Variants in DECR1 observed in about 807,000 individuals in gnomAD.
The protein encoded by DECR1 is 2,4-dienoyl-CoA reductase [(3E)-enoyl-CoA-producing], mitochondrial.
Under a neutral mutation model 38.8 loss-of-function variants are expected in DECR1, and 44 were observed. The ratio of observed to expected loss-of-function variants is 1.13; its 90% CI spans 0.89 to 1.46. DECR1 has a LOEUF of 1.46. Among genes scored for constraint, DECR1 ranks in the 40% most tolerant of loss-of-function variants. The pLI, the probability that DECR1 is intolerant of heterozygous loss-of-function variation, is 0.00. For synonymous variants in DECR1, 148 were observed against 135.2 expected (o/e 1.09, Z -0.66); for missense variants, 428 against 405.5 (o/e 1.06, Z -0.48).
Position 90,036,805 on chromosome 8 carries a change from A to G in DECR1, c.566-36A>G, listed in dbSNP as rs903328754. ...TTTCCTTATGTGTAGTGATACATCTATATTGCTAATCAACTGTATCCTTTT... is the reference window on the plus strand; with the variant it reads ...TTTCCTTATGTGTAGTGATACATCTGTATTGCTAATCAACTGTATCCTTTT... On this transcript the variant is annotated intron_variant, in intron 5 of 9. Coordinates refer to ENST00000220764, the MANE Select transcript of DECR1 (RefSeq NM_001359.2). 4 of 1,330,510 alleles carry G rather than the reference A, an allele frequency of 3.0e-6. No homozygotes were observed. The African/African-American group carries it at 5.8e-5, about 19-fold the overall frequency. 82.4% of individuals were successfully genotyped at this position (1,330,510 alleles called of 1,614,324 possible).
intron 1 of DECR1, among the ~76,000 whole-genome samples, chr8:90,002,334 T>G (rs1812637336): frequency 1.3e-5 from 2 of 152,134 alleles, no homozygotes; most frequent in Admixed American, 1.3e-4. Context: ...CCCAGCTGTT[T>G]ATAGACTCCC....
intron 8 of DECR1, among the ~76,000 whole-genome samples, chr8:90,049,134 C>G (rs1412263604): frequency 6.6e-6 from 1 of 152,212 alleles, no homozygotes; most frequent in Admixed American, 6.5e-5. Context: ...GGGATGCCCT[C>G]TCTCACCACT....
At chr8:90,006,301 T>G (rs1347600204) in intron 1 of DECR1, 5 of 704,096 alleles carry the variant, frequency 7.1e-6, no homozygotes, top group Admixed American at 2.0e-5. Context: ...TATGAGAGTG[T>G]TGTTGTTTGG....
At chr8:90,029,331 G>A (rs1813435705) in intron 5 of DECR1, 1 of 152,140 alleles carries the variant, frequency 6.6e-6, no homozygotes, top group Non-Finnish European at 1.5e-5. Context: ...CGATAGCCTA[G>A]CTAACATAAA....
chr8:90,017,776 T>TA (rs1434216337), intron 2 of DECR1, among the ~76,000 whole-genome samples: 1 of 152,194 alleles, frequency 6.6e-6, no homozygotes, highest in Non-Finnish European at 1.5e-5. Context: ...ATTTTTTTTT[T>TA]AAGCACTATA....
intron 1 of DECR1, among the ~76,000 whole-genome samples, chr8:90,016,525 T>C (rs1189497493): frequency 6.6e-6 from 1 of 151,730 alleles, no homozygotes; most frequent in Non-Finnish European, 1.5e-5. Context: ...TCCCAGCTAC[T>C]CTACTCGGGA....
At chr8:90,031,519 T>C (rs1048532017) in intron 5 of DECR1, among the ~76,000 whole-genome samples, 4 of 152,098 alleles carry the variant, frequency 2.6e-5, no homozygotes, top group African/African-American at 4.8e-5. Flanking sequence ...ATGAGAAAAG[T>C]GTTTCCTTAG....
At chr8:90,023,551 T>A (rs1813218156) in intron 5 of DECR1, among the ~76,000 whole-genome samples, 1 of 152,112 alleles carries the variant, frequency 6.6e-6, no homozygotes, top group Admixed American at 6.6e-5. Context: ...AGGTAAAAAC[T>A]TAGATTCTGC....
chr8:90,014,754 G>A (rs944641130), intron 1 of DECR1, among the ~76,000 whole-genome samples: 1 of 152,092 alleles, frequency 6.6e-6, no homozygotes, highest in African/African-American at 2.4e-5. Flanking sequence ...TAAAAATTAT[G>A]GGAAAGCCTT....
At chr8:90,051,623 C>T in intron 8 of DECR1, 54 bp from the exon 9 acceptor site, 1 of 1,465,634 alleles carries the variant, frequency 6.8e-7, no homozygotes, top group African/African-American at 1.4e-5. Flanking sequence ...GCTAGTGGTT[C>T]AGAAACTTTT....
At chr8:90,023,844 T>TCTC (rs1813229807) in intron 5 of DECR1, among the ~76,000 whole-genome samples, 1 of 152,250 alleles carries the variant, frequency 6.6e-6, no homozygotes, top group Admixed American at 6.5e-5. Flanking sequence ...ATTAGGTATA[T>TCTC]CTCCTAATGC....
rs558386778 is a variant in DECR1, at chr8:90,048,359, C to T, written c.886-3318C>T. 2.0e-4 allele frequency among the ~76,000 whole-genome samples: 31 copies of T among 152,034 alleles called. No homozygotes were observed. In the South Asian group the frequency reaches 6.5e-3, roughly 32 times the overall value. ...TAAAAAATGATAAAGGGGATATCAC[C>T]ACCTATCCCACAGAGATACAAACTC... On this transcript the variant is annotated intron_variant, in intron 8 of 9. Transcript: ENST00000220764.
intron 1 of DECR1, among the ~76,000 whole-genome samples, chr8:90,004,528 A>G (rs1805855): frequency 0.043 from 6,511 of 152,272 alleles, 285 homozygotes; most frequent in East Asian, 0.19. Context: ...CTGTTCTGGT[A>G]AAAGGATGGA....
intron 5 of DECR1, among the ~76,000 whole-genome samples, chr8:90,036,466 G>A (rs926245474): frequency 6.6e-6 from 1 of 152,148 alleles, no homozygotes; most frequent in African/African-American, 2.4e-5. Flanking sequence ...GCTGGAGGCA[G>A]AAGTCCCTGC....
intron 7 of DECR1, among the ~76,000 whole-genome samples, 174 bp downstream of exon 7, chr8:90,042,974 G>A (rs760243513): frequency 4.6e-5 from 7 of 152,030 alleles, no homozygotes; most frequent in East Asian, 1.9e-4. Context: ...ATAAGGAGGC[G>A]GGCAGGAATA....
intron 1 of DECR1, among the ~76,000 whole-genome samples, chr8:90,008,278 C>G (rs901331141): frequency 2.6e-5 from 4 of 152,244 alleles, no homozygotes; most frequent in African/African-American, 7.2e-5. Context: ...CCACAGCTCT[C>G]ACCTTACTTG....
At chr8:90,046,281 TA>T (rs1450869694) in intron 8 of DECR1, among the ~76,000 whole-genome samples, 3 of 152,138 alleles carry the variant, frequency 2.0e-5, no homozygotes, top group African/African-American at 7.2e-5. Flanking sequence ...GCCAGAAAGC[TA>T]AAAACCTTGA....
At chr8:90,041,390 G>C (rs1315277750) in intron 6 of DECR1, among the ~76,000 whole-genome samples, 1 of 152,122 alleles carries the variant, frequency 6.6e-6, no homozygotes, top group Non-Finnish European at 1.5e-5. Context: ...CCATTTATCA[G>C]ATGGATAGAT....
At chr8:90,046,402 T>C (rs1245845922) in intron 8 of DECR1, among the ~76,000 whole-genome samples, 1 of 152,160 alleles carries the variant, frequency 6.6e-6, no homozygotes, top group African/African-American at 2.4e-5. Context: ...TGAACAAGCT[T>C]CAGTAGCTGA....
Sources: gnomAD v4.1 joint callset for allele counts (sites outside exome capture counted in the v4.1 genomes callset) on GRCh38, gnomAD v4.1.1 for gene constraint, MANE v1.5 for transcripts, NCBI Gene and HGNC (gene_info 2026-07-23, HGNC 2026-07-21) for gene names.